FBLN7: variants seen among roughly 807,000 people sequenced by gnomAD.
The protein encoded by FBLN7 is fibulin 7.
FBLN7 carries 31 observed loss-of-function variants against 44.0 expected under a neutral mutation model. That is an observed-to-expected ratio of 0.70 (90% confidence interval 0.53 to 0.95). FBLN7 has a LOEUF of 0.95. Among genes scored for constraint, FBLN7 ranks in the 40% least tolerant of loss-of-function variants. The probability of loss-of-function intolerance (pLI) is 0.00; values close to 1 mark genes in which losing one functional copy is unlikely to be tolerated. For synonymous variants in FBLN7, 262 were observed against 253.4 expected, an observed-to-expected ratio of 1.03 and a Z score of -0.32; for missense variants, 573 against 618.5, an observed-to-expected ratio of 0.93 and a Z score of 0.78.
chr2:112,171,199 A>C (rs1280075412), intron 3 of FBLN7, among the ~76,000 whole-genome samples: 1 of 152,196 alleles, frequency 6.6e-6, no homozygotes, highest in African/African-American at 2.4e-5. Context: ...GGAGGTACCC[A>C]GTTGGGAGTT....
At chr2:112,208,189 CAGG>C in the FBLN7 span, among the ~76,000 whole-genome samples, 2 of 151,988 alleles carry the variant, frequency 1.3e-5, no homozygotes, top group Admixed American at 1.3e-4. Context: ...CCCCTAAGGT[CAGG>C]AGTTCAAGAC....
the FBLN7 span, among the ~76,000 whole-genome samples, chr2:112,221,406 T>C: frequency 6.6e-6 from 1 of 152,204 alleles, no homozygotes; most frequent in South Asian, 2.1e-4. Flanking sequence ...CCTTCTGCCA[T>C]GTCTGTAAGT....
chr2:112,154,624 G>A (rs1353778971), intron 1 of FBLN7, among the ~76,000 whole-genome samples: 2 of 152,194 alleles, frequency 1.3e-5, no homozygotes, highest in East Asian at 3.8e-4. Flanking sequence ...GCCCTTCACT[G>A]AGCAGCAGGT....
chr2:112,185,202 TG>T lies in FBLN7; in HGVS notation c.811del (p.Val271TrpfsTer38). On this transcript the variant is annotated frameshift_variant and splice_region_variant, in exon 7 of 8. Transcript: ENST00000331203. LOFTEE classifies it high-confidence loss of function. The part of the protein sequence containing the change: ...TLADGKSCED[V>X]DECVGLQPVC... ...CCTGTTGTATGTCCTGTATCTCAGA[TG>T]TGGATGAATGTGTGGGCCTGCAGCC... 1 of 1,613,054 alleles carries T rather than the reference TG, an allele frequency of 6.2e-7. No homozygotes were observed.
chr2:112,159,191 G>GTTTTT (rs5833433), intron 1 of FBLN7, among the ~76,000 whole-genome samples: 2 of 147,448 alleles, frequency 1.4e-5, no homozygotes, highest in Non-Finnish European at 3.0e-5. Flanking sequence ...ACTCTAGTGA[G>GTTTTT]TTTTTTTTTT....
At chr2:112,241,365 G>C in the FBLN7 span, among the ~76,000 whole-genome samples, 1 of 152,084 alleles carries the variant, frequency 6.6e-6, no homozygotes, top group African/African-American at 2.4e-5. Context: ...GCTGGCATTT[G>C]GGAGCAACCC....
chr2:112,160,165 T>C (rs1284722030), intron 2 of FBLN7, among the ~76,000 whole-genome samples: 1 of 152,154 alleles, frequency 6.6e-6, no homozygotes, highest in Non-Finnish European at 1.5e-5. Flanking sequence ...TAATTTTTTG[T>C]ATTTTTAGTA....
the FBLN7 span, among the ~76,000 whole-genome samples, chr2:112,232,720 C>T: frequency 5.8e-4 from 88 of 152,036 alleles, no homozygotes; most frequent in Non-Finnish European, 3.1e-4. Context: ...TTTGATACTC[C>T]TTATATTGAA....
At chr2:112,232,035 C>A in the FBLN7 span, 3 of 746,572 alleles carry the variant, frequency 4.0e-6, no homozygotes, top group Non-Finnish European at 5.9e-6. Flanking sequence ...TAAATAAAGA[C>A]CTCTGTGGCC....
At chr2:112,237,637 G>A in the FBLN7 span, among the ~76,000 whole-genome samples, 1 of 151,302 alleles carries the variant, frequency 6.6e-6, no homozygotes, top group South Asian at 2.1e-4. Flanking sequence ...AGTGCACTGT[G>A]TGATCTCGGC....
chr2:112,139,778 T>C (rs373895626), intron 1 of FBLN7, among the ~76,000 whole-genome samples: 1 of 24,300 alleles, frequency 4.1e-5, no homozygotes, highest in Non-Finnish European at 8.1e-5. Flanking sequence ...TCCACGCCAG[T>C]GTCCCTCCCG....
chr2:112,148,863 C>T (rs1681009781), intron 1 of FBLN7, among the ~76,000 whole-genome samples: 1 of 152,210 alleles, frequency 6.6e-6, no homozygotes, highest in Non-Finnish European at 1.5e-5. Flanking sequence ...ACTTCCACTG[C>T]ATCCTGTTGG....
chr2:112,159,888 T>A (rs1023055915), intron 2 of FBLN7, 53 bp downstream of exon 2: 17 of 1,386,088 alleles, frequency 1.2e-5, no homozygotes, highest in Middle Eastern at 5.2e-4. Context: ...TCGAGCACTC[T>A]CCCCGAGACG....
intron 2 of FBLN7, among the ~76,000 whole-genome samples, 193 bp from the exon 3 acceptor site, chr2:112,164,808 A>C (rs1360403625): frequency 6.6e-6 from 1 of 152,222 alleles, no homozygotes; most frequent in Non-Finnish European, 1.5e-5. Context: ...CTAAGCAGGC[A>C]TCGTACCACC....
intron 1 of FBLN7, among the ~76,000 whole-genome samples, chr2:112,151,014 T>C (rs1450200149): frequency 6.6e-6 from 1 of 152,044 alleles, no homozygotes; most frequent in African/African-American, 2.4e-5. Flanking sequence ...GACTTCTAAG[T>C]CGAAGTGGAA....
At position 112,159,723 on chromosome 2, in the gene FBLN7, G is replaced by A. The variant is rs1341392516; in HGVS notation, c.123G>A (p.Gln41=). The change falls in exon 2 of 8, where the codon CAG becomes CAA. Residue 41 remains glutamine, a synonymous_variant. Transcript: ENST00000331203. ...TCCTCTCGGCCATCCGCCAGCTGCA[G>A]CAGCTGCTGAAGGGCCAGGAGACAC... is the stretch of plus-strand genomic sequence containing the variant. ...QQLLSAIRQL[Q]QLLKGQETRF... is the part of the protein sequence containing the mutation. 3 of 1,586,034 alleles carry A rather than the reference G, an allele frequency of 1.9e-6. No homozygotes were observed. Among genetic ancestry groups the A allele is most frequent in the East Asian group, 2.4e-5 (1 of 41,658 alleles).
At chr2:112,150,396 A>T (rs1482613300) in intron 1 of FBLN7, among the ~76,000 whole-genome samples, 2 of 152,148 alleles carry the variant, frequency 1.3e-5, no homozygotes, top group East Asian at 3.8e-4. Flanking sequence ...AAAAAAATGC[A>T]TCCAGAGAAG....
the FBLN7 span, among the ~76,000 whole-genome samples, chr2:112,210,813 TAAG>T: frequency 6.6e-6 from 1 of 152,196 alleles, no homozygotes; most frequent in Admixed American, 6.5e-5. Context: ...AGTTGTGTCT[TAAG>T]AAGGCACTAG....
At chr2:112,228,182 C>G in the FBLN7 span, among the ~76,000 whole-genome samples, 1 of 152,058 alleles carries the variant, frequency 6.6e-6, no homozygotes, top group African/African-American at 2.4e-5. Context: ...GAAGGCAAGT[C>G]AGGGGGAAGG....
Sources: gnomAD v4.1 joint callset for allele counts (sites outside exome capture counted in the v4.1 genomes callset) on GRCh38, gnomAD v4.1.1 for gene constraint, MANE v1.5 for transcripts, NCBI Gene and HGNC (gene_info 2026-07-23, HGNC 2026-07-21) for gene names.